Variants in KIAA0825 observed in about 807,000 individuals in gnomAD.
KIAA0825 encodes uncharacterized protein KIAA0825.
In KIAA0825, 119 loss-of-function variants were observed where a neutral mutation model predicts 147.6. The ratio of observed to expected loss-of-function variants is 0.81; its 90% CI spans 0.69 to 0.94. The LOEUF (loss-of-function observed/expected upper bound fraction) is 0.94, where lower values mean the gene tolerates loss of function less well. KIAA0825 is among the 40% of genes least tolerant of loss of function. The pLI is 0.00. For synonymous variants in KIAA0825, 470 were observed against 518.1 expected, an observed-to-expected ratio of 0.91 and a Z score of 1.26; for missense variants, 1,381 against 1,472.7, an observed-to-expected ratio of 0.94 and a Z score of 1.02.
intron 20 of KIAA0825, among the ~76,000 whole-genome samples, chr5:94,322,646 G>A (rs1166754909): frequency 6.6e-6 from 1 of 151,786 alleles, no homozygotes; most frequent in Non-Finnish European, 1.5e-5. Context: ...GCCAGCAAAT[G>A]AGGTAGCTGG....
chr5:94,394,815 A>G (rs1194882917), intron 17 of KIAA0825, among the ~76,000 whole-genome samples: 1 of 152,220 alleles, frequency 6.6e-6, no homozygotes, highest in African/African-American at 2.4e-5. Flanking sequence ...TAAGACGGTC[A>G]CTGCCAATGT....
At chr5:94,464,551 A>C (rs939731831) in intron 11 of KIAA0825, among the ~76,000 whole-genome samples, 4 of 152,172 alleles carry the variant, frequency 2.6e-5, no homozygotes, top group African/African-American at 9.7e-5. Context: ...CTTTGGTATC[A>C]ATTTCAGGGA....
At chr5:94,398,793 A>G (rs372284728) in intron 16 of KIAA0825, among the ~76,000 whole-genome samples, 93 of 152,288 alleles carry the variant, frequency 6.1e-4, no homozygotes, top group Middle Eastern at 6.8e-3. Flanking sequence ...ATGAGAAGCC[A>G]AAAGAAAGTA....
At chr5:94,332,487 G>A (rs940502511) in intron 20 of KIAA0825, among the ~76,000 whole-genome samples, 24 of 152,172 alleles carry the variant, frequency 1.6e-4, no homozygotes, top group Admixed American at 6.5e-4. Context: ...TTGGTTTTCT[G>A]TTCCTGTGTT....
chr5:94,611,772 C>T (rs1417926914), intron 1 of KIAA0825: 1 of 151,114 alleles, frequency 6.6e-6, no homozygotes, highest in Non-Finnish European at 1.5e-5. Flanking sequence ...ACAGTGAGAC[C>T]CTGTCTGCAC....
intron 20 of KIAA0825, among the ~76,000 whole-genome samples, chr5:94,246,145 G>C (rs1220316805): frequency 6.6e-6 from 1 of 152,134 alleles, no homozygotes; most frequent in Non-Finnish European, 1.5e-5. Context: ...TTGTTTTGAT[G>C]AGACAATAAA....
At chr5:94,588,071 A>T (rs578027391) in intron 1 of KIAA0825, among the ~76,000 whole-genome samples, 1 of 152,348 alleles carries the variant, frequency 6.6e-6, no homozygotes, top group South Asian at 2.1e-4. Context: ...TAAATGTAAG[A>T]CCTAAAACCA....
intron 20 of KIAA0825, among the ~76,000 whole-genome samples, chr5:94,314,542 G>A (rs1779472081): frequency 6.6e-6 from 1 of 151,596 alleles, no homozygotes; most frequent in Non-Finnish European, 1.5e-5. Flanking sequence ...TAAACAGAAT[G>A]GAAGCTGGCT....
chr5:94,197,101 C>T (rs1243839219), intron 20 of KIAA0825, among the ~76,000 whole-genome samples: 1 of 152,130 alleles, frequency 6.6e-6, no homozygotes, highest in Non-Finnish European at 1.5e-5. Flanking sequence ...TATGAGCATT[C>T]CCATTTTGCC....
chr5:94,377,034 C>G (rs1372826589), intron 20 of KIAA0825, among the ~76,000 whole-genome samples: 2 of 152,188 alleles, frequency 1.3e-5, no homozygotes, highest in Non-Finnish European at 1.5e-5. Context: ...CTACACACCA[C>G]AGGGCACACA....
intron 20 of KIAA0825, among the ~76,000 whole-genome samples, chr5:94,287,732 C>T (rs1267309683): frequency 2.0e-5 from 3 of 152,130 alleles, no homozygotes; most frequent in Non-Finnish European, 2.9e-5. Context: ...GTCTCCCATT[C>T]ATAGAATTTC....
intron 20 of KIAA0825, among the ~76,000 whole-genome samples, chr5:94,379,287 G>A (rs926378323): frequency 1.3e-5 from 2 of 152,170 alleles, no homozygotes; most frequent in African/African-American, 4.8e-5. Context: ...TGTATATGGT[G>A]TAAGGAAGGA....
chr5:94,240,531 T>C (rs1267638798), intron 20 of KIAA0825, among the ~76,000 whole-genome samples: 2 of 152,354 alleles, frequency 1.3e-5, no homozygotes, highest in East Asian at 3.9e-4. Flanking sequence ...TGTTCTCTTA[T>C]TGATACTGAA....
rs148732067 is a variant in KIAA0825 at position 94,286,412 on chromosome 5, C to A, written c.3710+97956G>T. On this transcript the variant is annotated intron_variant, in intron 20 of 20. Transcript: ENST00000682413. Reference sequence around the variant, plus strand: ...CAAATACCCTGACTGACTAAGATTTCTTTCTGTTGTCAGTTTCCTCCGTTA... The same window carrying A: ...CAAATACCCTGACTGACTAAGATTTATTTCTGTTGTCAGTTTCCTCCGTTA... 2.8e-3 allele frequency among the ~76,000 whole-genome samples: 431 copies of A among 152,288 alleles called. 2 individuals are homozygous for A. The highest frequency in any genetic ancestry group is 0.01 in the African/African-American group (419 of 41,580).
intron 15 of KIAA0825, chr5:94,413,832 A>C (rs1235167536): frequency 6.6e-6 from 1 of 152,212 alleles, no homozygotes; most frequent in African/African-American, 2.4e-5. Context: ...ATTGCAAACA[A>C]ACTGGTGACA....
chr5:94,574,149 C>A (rs114825665), intron 2 of KIAA0825, among the ~76,000 whole-genome samples: 1,836 of 152,266 alleles, frequency 0.012, 34 homozygotes, highest in African/African-American at 0.042. Flanking sequence ...CAGTGATCTT[C>A]CAATATCCAT....
Position 94,391,522 on chromosome 5 carries a change from GCCGTTTCCCTACCT to G in KIAA0825, c.3455_3456+12del. 6.5e-7 allele frequency: 1 copy of G among 1,549,552 alleles called. No individual in the cohort carries two copies. The highest frequency in any genetic ancestry group is 8.7e-7 in the Non-Finnish European group (1 of 1,145,106). Reference sequence around the variant, plus strand: ...ACACACCTAATTGCTCGATAAAAAGGCCGTTTCCCTACCTCATTGAGCTGCATGATGTGATAAAT... The same window carrying G: ...ACACACCTAATTGCTCGATAAAAAGGCATTGAGCTGCATGATGTGATAAAT... On this transcript the variant is annotated splice_donor_variant and splice_donor_5th_base_variant and coding_sequence_variant and intron_variant, in exon 18 of 21. Coordinates refer to ENST00000682413, the MANE Select transcript of KIAA0825 (RefSeq NM_001145678.3). LOFTEE classifies it high-confidence loss of function.
In KIAA0825 at chr5:94,575,424, T is replaced by A. The variant is rs994653972; in HGVS notation, c.-2+7009A>T. On this transcript the variant is annotated intron_variant, in intron 2 of 20. Transcript: ENST00000682413. Reference sequence around the variant, plus strand: ...GATATGATAGATAGCTTGGGGCCACTGAGTGAGGCAGACAGTTACAACTCA... The same window carrying A: ...GATATGATAGATAGCTTGGGGCCACAGAGTGAGGCAGACAGTTACAACTCA... 6.0e-5 allele frequency among the ~76,000 whole-genome samples: 9 copies of A among 151,234 alleles called. No individual in the cohort carries two copies. In the South Asian group the frequency reaches 1.9e-3, roughly 32 times the overall value.
At chr5:94,374,553 A>T (rs1372967464) in intron 20 of KIAA0825, among the ~76,000 whole-genome samples, 1 of 152,112 alleles carries the variant, frequency 6.6e-6, no homozygotes, top group African/African-American at 2.4e-5. Context: ...CTATCATAGT[A>T]TTTGTGCTGA....
Sources: gnomAD v4.1 joint callset for allele counts (sites outside exome capture counted in the v4.1 genomes callset) on GRCh38, gnomAD v4.1.1 for gene constraint, MANE v1.5 for transcripts, NCBI Gene and HGNC (gene_info 2026-07-23, HGNC 2026-07-21) for gene names.